The following DZIP1L variants were observed in gnomAD, a reference collection of about 807,000 sequenced individuals.
The protein encoded by DZIP1L is DAZ interacting zinc finger protein 1 like.
Under a neutral mutation model 88.7 loss-of-function variants are expected in DZIP1L, and 90 were observed. That is an observed-to-expected ratio of 1.02 (90% confidence interval 0.86 to 1.21). The LOEUF (loss-of-function observed/expected upper bound fraction) is 1.21. Among genes scored for constraint, DZIP1L ranks in the 50% most tolerant of loss-of-function variants. The pLI is 0.00. For synonymous variants in DZIP1L, 363 were observed against 372.1 expected, an observed-to-expected ratio of 0.98 and a Z score of 0.28; for missense variants, 932 against 955.8, an observed-to-expected ratio of 0.98 and a Z score of 0.33.
At position 138,063,117 on chromosome 3, in the gene DZIP1L, A is replaced by C. The variant is rs1050990978; in HGVS notation, c.2143-140T>G. 2 of 888,446 alleles carry C rather than the reference A, an allele frequency of 2.3e-6. No individual in the cohort carries two copies. The highest frequency in any genetic ancestry group is 3.4e-5 in the African/African-American group (2 of 59,610). The allele number at this position is 888,446 out of a possible 1,614,324, so 55.0% of individuals were successfully genotyped here. ...GGGAAGAAAGCAATAGGGAGATGCT[A>C]CTCCTCCTGACTTCTCAAGTCTTCC... On this transcript the variant is annotated intron_variant, in intron 15 of 15. Transcript: ENST00000327532. This position sits in a 1 kb window ranked among gnomAD's most constrained non-coding sequence, Gnocchi z 4.1.
At chr3:138,067,099 C>A (rs189098485) in intron 14 of DZIP1L, among the ~76,000 whole-genome samples, 94 of 152,250 alleles carry the variant, frequency 6.2e-4, no homozygotes, top group Non-Finnish European at 1.2e-3. Flanking sequence ...GCCTCAAGTG[C>A]GGGTTGTTCC....
At chr3:138,085,122 C>T (rs948950668) in intron 7 of DZIP1L, among the ~76,000 whole-genome samples, 9 of 152,144 alleles carry the variant, frequency 5.9e-5, no homozygotes, top group Non-Finnish European at 1.2e-4. Context: ...GGATTAAAGT[C>T]TTAAACGTTA....
intron 7 of DZIP1L, 77 bp from the exon 8 acceptor site, chr3:138,084,330 C>A: frequency 6.5e-7 from 1 of 1,533,540 alleles, no homozygotes; most frequent in Non-Finnish European, 8.7e-7. Context: ...GGCTCAGCAC[C>A]TGTAGGCAAG....
chr3:138,095,768 C>A (rs1018584760), intron 3 of DZIP1L, among the ~76,000 whole-genome samples: 1 of 151,382 alleles, frequency 6.6e-6, no homozygotes, highest in African/African-American at 2.4e-5. Flanking sequence ...GGAGACAGAG[C>A]GAGACTCTGT....
At chr3:138,067,952 G>C (rs1015960581) in intron 13 of DZIP1L, among the ~76,000 whole-genome samples, 199 bp downstream of exon 13, 3 of 152,174 alleles carry the variant, frequency 2.0e-5, no homozygotes, top group Non-Finnish European at 2.9e-5. Flanking sequence ...CATGGGTAAG[G>C]GGAGGGTGGG....
intron 5 of DZIP1L, 102 bp from the exon 6 acceptor site, chr3:138,088,609 T>A: frequency 7.0e-7 from 1 of 1,432,888 alleles, no homozygotes; most frequent in Admixed American, 2.3e-5. Context: ...ACCCAACTCA[T>A]CCTCCCAACT....
intron 14 of DZIP1L, among the ~76,000 whole-genome samples, chr3:138,065,999 T>C (rs1185954049): frequency 6.6e-6 from 1 of 152,226 alleles, no homozygotes; most frequent in East Asian, 1.9e-4. Context: ...AGCTCAGGTC[T>C]CTACAATGCC....
At chr3:138,100,686 A>G (rs1008577973) in intron 2 of DZIP1L, among the ~76,000 whole-genome samples, 8 of 152,214 alleles carry the variant, frequency 5.3e-5, no homozygotes, top group African/African-American at 1.9e-4. Flanking sequence ...GAGGAAGAAA[A>G]ACACACATTT....
chr3:138,065,360 C>T (rs138761342), intron 14 of DZIP1L, among the ~76,000 whole-genome samples: 3 of 152,344 alleles, frequency 2.0e-5, no homozygotes, highest in South Asian at 4.1e-4. Flanking sequence ...TTTGGAGCTA[C>T]AACAGCCCTT....
At chr3:138,101,766 G>A in intron 2 of DZIP1L, 1 of 1,034,860 alleles carries the variant, frequency 9.7e-7, no homozygotes, top group Non-Finnish European at 1.5e-6. Context: ...TCCTATAGGT[G>A]GCGATCTTGA....
At chr3:138,113,008 C>G (rs2042643540) in intron 1 of DZIP1L, among the ~76,000 whole-genome samples, 1 of 152,224 alleles carries the variant, frequency 6.6e-6, no homozygotes, top group African/African-American at 2.4e-5. Flanking sequence ...TGTTTAATCA[C>G]CTTTAGATAT....
intron 9 of DZIP1L, 102 bp downstream of exon 9, chr3:138,081,632 C>T: frequency 2.4e-6 from 3 of 1,239,636 alleles, no homozygotes; most frequent in Non-Finnish European, 3.4e-6. Flanking sequence ...CTGCTGTCAC[C>T]AATCCACCAC....
chr3:138,064,415 C>A (rs767287071), intron 15 of DZIP1L: 2 of 1,486,270 alleles, frequency 1.3e-6, no homozygotes, highest in African/African-American at 2.8e-5. Context: ...ATATAATGAA[C>A]CAAAAGGCTT....
intron 8 of DZIP1L, among the ~76,000 whole-genome samples, chr3:138,082,604 T>C (rs1943714934): frequency 6.6e-6 from 1 of 152,252 alleles, no homozygotes; most frequent in Admixed American, 6.5e-5. Context: ...CTCTGTGAGA[T>C]GCTCCATCTA....
chr3:138,067,738 C>A (rs1351796944), intron 13 of DZIP1L, 38 bp from the exon 14 acceptor site: 2 of 1,512,648 alleles, frequency 1.3e-6, no homozygotes, highest in African/African-American at 2.9e-5. Context: ...GATGCATGGG[C>A]CAGAAAGAAA....
At chr3:138,104,201 G>A (rs1471002909) in intron 1 of DZIP1L, 149 bp from the exon 2 acceptor site, 18 of 756,442 alleles carry the variant, frequency 2.4e-5, no homozygotes, top group Admixed American at 9.4e-5. Context: ...GGCCAGAGCT[G>A]TGGAAAGAAA....
chr3:138,077,917 G>A (rs914331369), intron 10 of DZIP1L, among the ~76,000 whole-genome samples: 2 of 152,194 alleles, frequency 1.3e-5, no homozygotes, highest in Non-Finnish European at 2.9e-5. Flanking sequence ...TAAACTGGTG[G>A]ACAAGATAGA....
intron 2 of DZIP1L, chr3:138,102,220 G>A (rs1420482942): frequency 2.0e-5 from 28 of 1,392,748 alleles, no homozygotes; most frequent in Admixed American, 1.3e-4. Context: ...TGCAGCTCCC[G>A]GATCTCCTCT....
At chr3:138,081,604 A>T in intron 9 of DZIP1L, 130 bp downstream of exon 9, 1 of 895,496 alleles carries the variant, frequency 1.1e-6, no homozygotes, top group Non-Finnish European at 1.7e-6. Flanking sequence ...CAGAAGCCTG[A>T]CACTACATGT....
Sources: gnomAD v4.1 joint callset for allele counts (sites outside exome capture counted in the v4.1 genomes callset) on GRCh38, gnomAD v4.1.1 for gene constraint, Gnocchi (gnomAD v3.1) non-coding constraint, MANE v1.5 for transcripts, NCBI Gene and HGNC (gene_info 2026-07-23, HGNC 2026-07-21) for gene names.